MICU3: variants seen among roughly 807,000 people sequenced by gnomAD.
MICU3 encodes calcium uptake protein 3, mitochondrial.
MICU3 carries 62 observed loss-of-function variants against 66.5 expected under a neutral mutation model. The observed-to-expected ratio is 0.93, with a 90% CI of 0.76 to 1.15. The LOEUF (loss-of-function observed/expected upper bound fraction) is 1.15. Ranked by LOEUF, MICU3 falls within the 50% of genes most tolerant of loss-of-function variation. The pLI is 0.00. For synonymous variants in MICU3, 308 were observed against 240.7 expected (o/e 1.28, Z -2.59); for missense variants, 779 against 664.4 (o/e 1.17, Z -1.90).
At chr8:17,049,910 T>A (rs1815771587) in intron 1 of MICU3, among the ~76,000 whole-genome samples, 1 of 152,234 alleles carries the variant, frequency 6.6e-6, no homozygotes, top group Non-Finnish European at 1.5e-5. Flanking sequence ...TTACTCATTT[T>A]TCTACAACCT....
intron 1 of MICU3, among the ~76,000 whole-genome samples, chr8:17,034,589 CA>C (rs1254974117): frequency 6.6e-6 from 1 of 152,146 alleles, no homozygotes; most frequent in Non-Finnish European, 1.5e-5. Context: ...GTAAAAGTAT[CA>C]ACATTAGTAG....
intron 3 of MICU3, among the ~76,000 whole-genome samples, chr8:17,073,818 A>T (rs1819964335): frequency 6.6e-6 from 1 of 152,228 alleles, no homozygotes; most frequent in Non-Finnish European, 1.5e-5. Flanking sequence ...AGAATTACAG[A>T]GTGAAAATGA....
intron 1 of MICU3, among the ~76,000 whole-genome samples, chr8:17,063,641 T>C (rs1179350272): frequency 2.0e-5 from 3 of 150,520 alleles, no homozygotes; most frequent in Non-Finnish European, 4.4e-5. Context: ...AAGTAGCCTA[T>C]TGGGATTTTA....
chr8:17,077,687 A>T, intron 3 of MICU3, 96 bp from the exon 4 acceptor site: 2 of 804,222 alleles, frequency 2.5e-6, no homozygotes, highest in Non-Finnish European at 4.0e-6. Flanking sequence ...CAGGTCTTTT[A>T]AGTGGAGAAT....
intron 1 of MICU3, among the ~76,000 whole-genome samples, chr8:17,050,454 A>C (rs887122226): frequency 2.0e-5 from 3 of 151,892 alleles, no homozygotes; most frequent in African/African-American, 7.3e-5. Flanking sequence ...ATTTTTATTG[A>C]TATTTTTGTG....
intron 1 of MICU3, among the ~76,000 whole-genome samples, chr8:17,044,668 C>T (rs1178111844): frequency 6.6e-6 from 1 of 152,190 alleles, no homozygotes; most frequent in Non-Finnish European, 1.5e-5. Context: ...CCTCCTTTTC[C>T]CTTTCCACAT....
intron 1 of MICU3, among the ~76,000 whole-genome samples, chr8:17,046,374 TTGTTG>T (rs1160564225): frequency 6.6e-6 from 1 of 152,172 alleles, no homozygotes; most frequent in Non-Finnish European, 1.5e-5. Flanking sequence ...TCTGTGATGA[TTGTTG>T]TGTTGGTCTG....
intron 13 of MICU3, among the ~76,000 whole-genome samples, chr8:17,118,111 G>A (rs1432472578): frequency 3.9e-5 from 6 of 152,188 alleles, no homozygotes; most frequent in South Asian, 2.1e-4. Context: ...ATTGAAAATC[G>A]TTTATTTTGC....
chr8:17,109,408 C>G (rs939585543), intron 11 of MICU3, among the ~76,000 whole-genome samples: 1 of 152,036 alleles, frequency 6.6e-6, no homozygotes, highest in African/African-American at 2.4e-5. Context: ...GTAATAGCAA[C>G]AGGCTGGAAA....
At chr8:17,096,585 T>G (rs1308635436) in intron 8 of MICU3, among the ~76,000 whole-genome samples, 1 of 151,834 alleles carries the variant, frequency 6.6e-6, no homozygotes, top group Non-Finnish European at 1.5e-5. Context: ...CCTCAGAAAC[T>G]TTATAATTAT....
intron 13 of MICU3, among the ~76,000 whole-genome samples, chr8:17,118,294 A>G (rs913273476): frequency 1.2e-4 from 19 of 152,104 alleles, no homozygotes; most frequent in Non-Finnish European, 1.9e-4. Flanking sequence ...TAATCAACAG[A>G]TAATAGCATA....
intron 8 of MICU3, among the ~76,000 whole-genome samples, chr8:17,097,163 C>G (rs143458799): frequency 6.6e-6 from 1 of 151,662 alleles, no homozygotes; most frequent in Admixed American, 6.6e-5. Context: ...ACTTTTAAAA[C>G]GCATCCACAT....
chr8:17,096,877 A>G lies in MICU3; in HGVS notation c.889-1581A>G, dbSNP rs532286148. On this transcript the variant is annotated intron_variant, in intron 8 of 14. Transcript: ENST00000318063. The stretch of plus-strand genomic sequence containing the variant: ...ACCCCAACATTTGGAAATAATTAAT[A>G]TATTTACTTCTTTTTCTTGTCCACA... 1.3e-4 allele frequency among the ~76,000 whole-genome samples: 19 copies of G among 151,992 alleles called. No individual in the cohort carries two copies. The South Asian group carries it at 1.9e-3, about 15-fold the overall frequency.
At chr8:17,124,826 C>T (rs1803363660), downstream of MICU3, among the ~76,000 whole-genome samples, 1 of 151,952 alleles carries the variant, frequency 6.6e-6, no homozygotes, top group African/African-American at 2.4e-5. Flanking sequence ...CTTCCAGCTT[C>T]CAGTTTGTTC....
intron 14 of MICU3, among the ~76,000 whole-genome samples, chr8:17,119,537 A>ATAGC (rs1803017342): frequency 1.2e-5 from 1 of 84,034 alleles, no homozygotes; most frequent in African/African-American, 3.8e-5. Flanking sequence ...TGAAGCATAG[A>ATAGC]TAGATAGATA....
At chr8:17,087,446 C>A (rs1799592228) in intron 7 of MICU3, among the ~76,000 whole-genome samples, 1 of 151,922 alleles carries the variant, frequency 6.6e-6, no homozygotes, top group Non-Finnish European at 1.5e-5. Flanking sequence ...TGTTTTCTTG[C>A]ATTCTTAGAT....
chr8:17,028,829 C>G (rs1326561404), intron 1 of MICU3, among the ~76,000 whole-genome samples: 1 of 152,158 alleles, frequency 6.6e-6, no homozygotes, highest in Admixed American at 6.5e-5. Context: ...TGTGGCTTGG[C>G]AAGGAGCATA....
At chr8:17,088,289 C>T (rs10090466) in intron 7 of MICU3, among the ~76,000 whole-genome samples, 49,495 of 151,652 alleles carry the variant, frequency 0.33, 9,684 homozygotes, top group African/African-American at 0.55. Context: ...AGTCAAGTAT[C>T]AAAAGGGGCA....
chr8:17,046,053 G>A (rs538236480), intron 1 of MICU3, among the ~76,000 whole-genome samples: 4 of 152,188 alleles, frequency 2.6e-5, no homozygotes, highest in South Asian at 2.1e-4. Context: ...ATAATAAGCC[G>A]ATAAATGTAA....
Sources: gnomAD v4.1 joint callset for allele counts (sites outside exome capture counted in the v4.1 genomes callset) on GRCh38, gnomAD v4.1.1 for gene constraint, MANE v1.5 for transcripts, NCBI Gene and HGNC (gene_info 2026-07-23, HGNC 2026-07-21) for gene names.